Variants in SMAD6 observed in about 807,000 individuals in gnomAD.
SMAD6 encodes the protein SMAD family member 6.
SMAD6 carries 103 observed loss-of-function variants against 39.4 expected under a neutral mutation model. The ratio of observed to expected loss-of-function variants is 2.62; its 90% CI spans 2.23 to 3.08. The LOEUF is 3.08. Among genes scored for constraint, SMAD6 ranks in the 30% most tolerant of loss-of-function variants. SMAD6 has a pLI of 0.00. For missense variants in SMAD6, 1,104 were observed against 742.9 expected (o/e 1.49, Z -5.65); for synonymous variants, 445 against 353.3 (o/e 1.26, Z -2.91).
chr15:66,761,155 G>A (rs531750733), intron 3 of SMAD6, among the ~76,000 whole-genome samples: 14 of 152,106 alleles, frequency 9.2e-5, no homozygotes, highest in Admixed American at 7.9e-4. Context: ...CCTGAGAGCC[G>A]GGAAAACCCC....
At chr15:66,753,150 C>G (rs1252483592) in intron 3 of SMAD6, among the ~76,000 whole-genome samples, 1 of 152,202 alleles carries the variant, frequency 6.6e-6, no homozygotes, top group Non-Finnish European at 1.5e-5. Context: ...AGTCCCTTGT[C>G]TTCCTTCCTC....
At chr15:66,726,517 G>A (rs534742137) in intron 3 of SMAD6, among the ~76,000 whole-genome samples, 65 of 152,242 alleles carry the variant, frequency 4.3e-4, no homozygotes, top group African/African-American at 1.5e-3. Context: ...GGTGGAGAGA[G>A]GGCCCAGGCT....
chr15:66,776,114 A>T (rs1034988859), intron 3 of SMAD6, among the ~76,000 whole-genome samples: 4 of 152,234 alleles, frequency 2.6e-5, no homozygotes, highest in African/African-American at 9.6e-5. Flanking sequence ...TCATTCTTCC[A>T]TTCCTTCACT....
intron 3 of SMAD6, among the ~76,000 whole-genome samples, chr15:66,741,939 T>C (rs909374339): frequency 1.1e-4 from 16 of 152,122 alleles, no homozygotes; most frequent in African/African-American, 3.6e-4. Flanking sequence ...GCTGACAGCA[T>C]CAGGTTTTCA....
intron 2 of SMAD6, among the ~76,000 whole-genome samples, chr15:66,712,308 C>T (rs2469149): frequency 0.042 from 6,414 of 152,272 alleles, 237 homozygotes; most frequent in African/African-American, 0.094. Flanking sequence ...TTTTAGACAA[C>T]TCCCATTCAG....
chr15:66,752,844 T>C (rs1894031290), intron 3 of SMAD6, among the ~76,000 whole-genome samples: 1 of 151,986 alleles, frequency 6.6e-6, no homozygotes. Flanking sequence ...AAAATCTGAA[T>C]ATTTTGCTGT....
At chr15:66,759,127 C>T (rs1171411623) in intron 3 of SMAD6, among the ~76,000 whole-genome samples, 1 of 152,136 alleles carries the variant, frequency 6.6e-6, no homozygotes, top group Non-Finnish European at 1.5e-5. Flanking sequence ...GCTGGCAGGC[C>T]AAATTTCTCT....
intron 2 of SMAD6, among the ~76,000 whole-genome samples, chr15:66,712,250 A>G (rs1213955594): frequency 1.3e-5 from 2 of 152,194 alleles, no homozygotes; most frequent in Non-Finnish European, 2.9e-5. Flanking sequence ...TGGTACACAA[A>G]GCCCCTGGCA....
intron 3 of SMAD6, among the ~76,000 whole-genome samples, chr15:66,745,589 G>A (rs1288764883): frequency 6.6e-6 from 1 of 152,160 alleles, no homozygotes; most frequent in Non-Finnish European, 1.5e-5. Flanking sequence ...TTGTATTTTG[G>A]TGATCAGACT....
At chr15:66,776,360 G>T (rs1208673194) in intron 3 of SMAD6, among the ~76,000 whole-genome samples, 1 of 152,226 alleles carries the variant, frequency 6.6e-6, no homozygotes, top group African/African-American at 2.4e-5. Context: ...ACTTGATTTT[G>T]CCAGAGTTTC....
chr15:66,715,679 G>A (rs1893314508), intron 2 of SMAD6, among the ~76,000 whole-genome samples: 1 of 151,512 alleles, frequency 6.6e-6, no homozygotes, highest in African/African-American at 2.4e-5. Context: ...TATAGAAAAT[G>A]TGCAAAAGAA....
At chr15:66,751,118 G>A (rs570384765) in intron 3 of SMAD6, among the ~76,000 whole-genome samples, 6 of 152,310 alleles carry the variant, frequency 3.9e-5, no homozygotes, top group South Asian at 4.1e-4. Context: ...AGAACGCCCC[G>A]TGCCTGAGAT....
intron 3 of SMAD6, among the ~76,000 whole-genome samples, chr15:66,743,696 CTTCTTAAAATTATTTGGATGTTAT>C (rs1893856081): frequency 6.6e-6 from 1 of 151,940 alleles, no homozygotes; most frequent in Non-Finnish European, 1.5e-5. Context: ...TTATATTATT[CTTCTTAAAATTATTTGGATGTTAT>C]TTTTCCTGTC....
intron 1 of SMAD6, chr15:66,707,018 A>C (rs1893127655): frequency 6.6e-6 from 1 of 152,224 alleles, no homozygotes. Context: ...TGGGGTCCTC[A>C]GGAGGGGACC....
Position 66,781,191 on chromosome 15 carries a change from A to ACGCG in SMAD6, c.1149_1152dup (p.Ser385AlafsTer181). The ACGCG allele has an allele frequency of 6.2e-7, 1 of 1,608,036 alleles. No individual in the cohort carries two copies. The highest frequency in any genetic ancestry group is 8.5e-7 in the Non-Finnish European group (1 of 1,179,744). On this transcript the variant is annotated frameshift_variant, in exon 4 of 4. Transcript: ENST00000288840. LOFTEE classifies it high-confidence loss of function. ...GCAGCGCAGCGAGTCGGTGCGGCGA[A>ACGCG]CGCGCAGCAAGATCGGCTTCGGCAT...
At position 66,781,053 on chromosome 15, in the gene SMAD6, T is replaced by C. The variant is rs1403845620; in HGVS notation, c.1009T>C (p.Trp337Arg). The C allele has an allele frequency of 6.2e-7, 1 of 1,602,990 alleles. No homozygotes were observed. Among genetic ancestry groups the C allele is most frequent in the African/African-American group, 1.3e-5 (1 of 74,920 alleles). Residue 337 changes from tryptophan (W) to arginine (R), a missense_variant, in exon 4 of 4, where the codon TGG (tryptophan) becomes CGG (arginine). Transcript: ENST00000288840. ...GAGCCACTGGTGCAGCGTGGCGTAC[T>C]GGGAGCACCGGACGCGCGTGGGCCG... is the stretch of plus-strand genomic sequence containing the variant. ...KPSHWCSVAY[W>R]EHRTRVGRLY... is the part of the protein sequence containing the mutation.
At chr15:66,771,316 G>T (rs142476081) in intron 3 of SMAD6, among the ~76,000 whole-genome samples, 1,952 of 152,262 alleles carry the variant, frequency 0.013, 153 homozygotes, top group Admixed American at 0.12. Context: ...TTGTGTCAGG[G>T]TTGCAAGATG....
At chr15:66,768,022 T>C (rs939917613) in intron 3 of SMAD6, among the ~76,000 whole-genome samples, 2 of 132,568 alleles carry the variant, frequency 1.5e-5, no homozygotes, top group Non-Finnish European at 3.1e-5. Flanking sequence ...CAGGCTGGAG[T>C]GCAGTGGTGC....
chr15:66,762,291 C>G (rs967973589), intron 3 of SMAD6, among the ~76,000 whole-genome samples: 1 of 152,212 alleles, frequency 6.6e-6, no homozygotes, highest in Non-Finnish European at 1.5e-5. Context: ...CTCCAGTATG[C>G]CTGCGTGGGT....
Sources: gnomAD v4.1 joint callset for allele counts (sites outside exome capture counted in the v4.1 genomes callset) on GRCh38, gnomAD v4.1.1 for gene constraint, MANE v1.5 for transcripts, NCBI Gene and HGNC (gene_info 2026-07-23, HGNC 2026-07-21) for gene names.